The following SH3KBP1 variants were observed in gnomAD, a reference collection of about 807,000 sequenced individuals.
SH3KBP1 encodes SH3 domain containing kinase binding protein 1.
Under a neutral mutation model 50.1 loss-of-function variants are expected in SH3KBP1, and 8 were observed. That is an observed-to-expected ratio of 0.16 (90% confidence interval 0.09 to 0.29). The LOEUF is 0.29. SH3KBP1 is among the 10% of genes least tolerant of loss of function. SH3KBP1 has a pLI of 1.00. For synonymous variants in SH3KBP1, 227 were observed against 218.6 expected (o/e 1.04, Z -0.34); for missense variants, 377 against 535.2 (o/e 0.70, Z 2.92).
At chrX:19,695,270 C>T (rs2063387648) in intron 5 of SH3KBP1, among the ~76,000 whole-genome samples, 2 of 111,644 alleles carry the variant, frequency 1.8e-5, no homozygotes, top group Non-Finnish European at 3.8e-5. Flanking sequence ...GAAATACTGA[C>T]AATCCCATTT....
chrX:19,674,561 C>A (rs1298542523), intron 6 of SH3KBP1, among the ~76,000 whole-genome samples: 1 of 112,102 alleles, frequency 8.9e-6, no homozygotes, highest in Non-Finnish European at 1.9e-5. Context: ...TAGCACAAAA[C>A]AGTATCTTCA....
At chrX:19,540,981 C>T (rs1166987224) in intron 16 of SH3KBP1, among the ~76,000 whole-genome samples, 2 of 110,299 alleles carry the variant, frequency 1.8e-5, no homozygotes, top group African/African-American at 6.6e-5. Context: ...GTGGCACAAT[C>T]TTGGCTCACT....
intron 13 of SH3KBP1, among the ~76,000 whole-genome samples, chrX:19,566,933 C>T (rs903467401): frequency 1.5e-4 from 17 of 111,227 alleles, no homozygotes; most frequent in Non-Finnish European, 3.0e-4. Flanking sequence ...AAACAGCACC[C>T]AAACAGAGGG....
intron 1 of SH3KBP1, among the ~76,000 whole-genome samples, chrX:19,862,437 T>C (rs1008524738): frequency 8.9e-6 from 1 of 112,061 alleles, no homozygotes; most frequent in Admixed American, 9.5e-5. Context: ...GCTAATTTCT[T>C]TGGAATATTG....
chrX:19,706,872 G>A lies in SH3KBP1; in HGVS notation c.390+9C>T. On this transcript the variant is annotated intron_variant, in intron 4 of 17. Transcript: ENST00000397821. ...CGAGGCCATTGCACTGCCCGGCCAG[G>A]TCGCTTACCTCTCCTACCACCTCTA... The A allele has an allele frequency of 1.7e-6, 2 of 1,197,276 alleles. No homozygotes were observed. Among genetic ancestry groups the A allele is most frequent in the Non-Finnish European group, 1.1e-6 (1 of 883,337 alleles).
intron 1 of SH3KBP1, among the ~76,000 whole-genome samples, chrX:19,848,750 G>C (rs1000175015): frequency 9.1e-6 from 1 of 110,173 alleles, no homozygotes; most frequent in South Asian, 3.8e-4. Flanking sequence ...CTGAGCAATG[G>C]TCACTAGCAG....
chrX:19,544,030 C>A (rs1484917011), intron 15 of SH3KBP1, among the ~76,000 whole-genome samples: 1 of 110,870 alleles, frequency 9.0e-6, no homozygotes, highest in Non-Finnish European at 1.9e-5. Flanking sequence ...AGCAGGTACC[C>A]AGCAGGCTAC....
At chrX:19,537,889 A>C (rs1316543927) in intron 16 of SH3KBP1, 109 bp from the exon 17 acceptor site, 1 of 642,343 alleles carries the variant, frequency 1.6e-6, no homozygotes, top group Admixed American at 2.7e-5. Flanking sequence ...TTTTACAAAG[A>C]AACTGTGGAC....
At chrX:19,543,069 T>C (rs570368520) in intron 15 of SH3KBP1, among the ~76,000 whole-genome samples, 2 of 111,161 alleles carry the variant, frequency 1.8e-5, no homozygotes, top group Non-Finnish European at 3.8e-5. Flanking sequence ...CAAGACAACT[T>C]TGAGTGATGT....
At chrX:19,838,089 C>CAA (rs2068109392) in intron 1 of SH3KBP1, among the ~76,000 whole-genome samples, 1 of 108,478 alleles carries the variant, frequency 9.2e-6, no homozygotes, top group African/African-American at 3.6e-5. Context: ...ACAACAACAA[C>CAA]AACAACAACA....
chrX:19,867,714 A>G (rs1174137062), intron 1 of SH3KBP1, among the ~76,000 whole-genome samples: 3 of 111,297 alleles, frequency 2.7e-5, no homozygotes, highest in African/African-American at 6.6e-5. Flanking sequence ...CCAGGAAAGG[A>G]CAAATGAGTC....
At chrX:19,627,522 T>C (rs2068058393) in intron 8 of SH3KBP1, among the ~76,000 whole-genome samples, 1 of 112,680 alleles carries the variant, frequency 8.9e-6, no homozygotes, top group Non-Finnish European at 1.9e-5. Context: ...CACAGGTGTG[T>C]TCTGCACGAG....
intron 2 of SH3KBP1, among the ~76,000 whole-genome samples, chrX:19,824,546 C>T (rs1158296352): frequency 1.8e-5 from 2 of 111,523 alleles, no homozygotes; most frequent in East Asian, 2.8e-4. Context: ...GACATGGAGT[C>T]GCTGTGGGAG....
At chrX:19,679,250 G>A (rs1261940952) in intron 6 of SH3KBP1, among the ~76,000 whole-genome samples, 1 of 111,799 alleles carries the variant, frequency 8.9e-6, no homozygotes, top group Non-Finnish European at 1.9e-5. Flanking sequence ...TTACTTTTCT[G>A]TAGCTCCCTG....
At chrX:19,857,219 G>A (rs768850792) in intron 1 of SH3KBP1, among the ~76,000 whole-genome samples, 2 of 109,477 alleles carry the variant, frequency 1.8e-5, no homozygotes, top group Non-Finnish European at 1.9e-5. Flanking sequence ...TGCATTATCC[G>A]CAAGTCTGGG....
intron 3 of SH3KBP1, among the ~76,000 whole-genome samples, chrX:19,726,176 G>C (rs2064217643): frequency 8.9e-6 from 1 of 111,836 alleles, no homozygotes; most frequent in Admixed American, 9.5e-5. Flanking sequence ...GGGGCAAATA[G>C]AAGCACAAAA....
intron 1 of SH3KBP1, among the ~76,000 whole-genome samples, chrX:19,882,093 A>G (rs2069450624): frequency 1.8e-5 from 2 of 111,476 alleles, no homozygotes; most frequent in African/African-American, 6.5e-5. Flanking sequence ...TGTAACTTTA[A>G]GGCGGCTTTA....
Position 19,714,588 on chromosome X carries a change from T to C in SH3KBP1, c.287-7604A>G, listed in dbSNP as rs181687847. Among the ~76,000 whole-genome samples, 35 of 111,944 alleles carry C rather than the reference T, an allele frequency of 3.1e-4. No homozygotes were observed. The East Asian group carries it at 8.9e-3, about 28-fold the overall frequency. The stretch of plus-strand genomic sequence containing the variant: ...ATAAAAAAGAACGAGATCCTGTCTT[T>C]GGCAGCAACATGGATGGAACTGGAG... On this transcript the variant is annotated intron_variant, in intron 3 of 17. Transcript: ENST00000397821.
intron 1 of SH3KBP1, among the ~76,000 whole-genome samples, chrX:19,883,952 C>T (rs1336386104): frequency 9.0e-6 from 1 of 111,641 alleles, no homozygotes; most frequent in Non-Finnish European, 1.9e-5. Flanking sequence ...CTCAAGCCAC[C>T]TGACACAGGT....
Sources: allele counts gnomAD v4.1 joint callset (sites outside exome capture counted in the v4.1 genomes callset), GRCh38; gene constraint gnomAD v4.1.1; transcripts MANE v1.5; gene names NCBI Gene and HGNC (gene_info 2026-07-23, HGNC 2026-07-21).